Variants in MLH3 observed in about 807,000 individuals in gnomAD.
The protein encoded by MLH3 is mutL homolog 3, also known as DNA mismatch repair protein Mlh3.
Under a neutral mutation model 122.2 loss-of-function variants are expected in MLH3, and 82 were observed. That is an observed-to-expected ratio of 0.67 (90% CI 0.56 to 0.81). The LOEUF is 0.81. Among genes scored for constraint, MLH3 ranks in the 30% least tolerant of loss-of-function variants. The pLI, the probability that MLH3 is intolerant of heterozygous loss-of-function variation, is 0.00. For missense variants in MLH3, 1,539 were observed against 1,714.5 expected, an observed-to-expected ratio of 0.90 and a Z score of 1.81; for synonymous variants, 524 against 599.5, an observed-to-expected ratio of 0.87 and a Z score of 1.84.
At chr14:75,023,950 T>G (rs1890455488) in intron 9 of MLH3, among the ~76,000 whole-genome samples, 1 of 152,168 alleles carries the variant, frequency 6.6e-6, no homozygotes, top group African/African-American at 2.4e-5. Flanking sequence ...TACATATAAT[T>G]TAAAAATCAC....
chr14:75,033,391 T>C (rs753780299), intron 7 of MLH3, 28 bp downstream of exon 7: 33 of 1,609,440 alleles, frequency 2.1e-5, no homozygotes, highest in Non-Finnish European at 2.8e-5. Flanking sequence ...GAGTCTCAAA[T>C]TTTTTCTGGC....
At chr14:75,049,850 T>C (rs1892549883) in intron 1 of MLH3, 132 bp from the exon 2 acceptor site, 1 of 648,308 alleles carries the variant, frequency 1.5e-6, no homozygotes, top group Non-Finnish European at 2.7e-6. Context: ...AAAACAAAGT[T>C]ATACCGCTGA....
chr14:75,022,515 C>T (rs962046299), intron 11 of MLH3, among the ~76,000 whole-genome samples: 16 of 152,148 alleles, frequency 1.1e-4, no homozygotes, highest in Non-Finnish European at 7.4e-5. Context: ...AGTGAATTCC[C>T]CTTTCCATGC....
In MLH3 at chr14:75,038,000, A is replaced by G. The variant is rs1010689499; in HGVS notation, c.3643+340T>C. Among the ~76,000 whole-genome samples, 25 of 152,134 alleles carry G rather than the reference A, an allele frequency of 1.6e-4. 1 individual carries two copies. The highest frequency in any genetic ancestry group is 5.8e-4 in the African/African-American group (24 of 41,432). Reference sequence around the variant, plus strand: ...CTACATCCTCTGCCTCCCAAGTTCAAGCGATTCTTGTGCCTTAGCCTCCTG... The same window carrying G: ...CTACATCCTCTGCCTCCCAAGTTCAGGCGATTCTTGTGCCTTAGCCTCCTG... On this transcript the variant is annotated intron_variant, in intron 6 of 12. Coordinates refer to ENST00000355774, the MANE Select transcript of MLH3 (RefSeq NM_001040108.2).
At position 75,022,729 on chromosome 14, in the gene MLH3, C is replaced by A; in HGVS notation, c.4090+85G>T. ...CTCCAAGAGTCAAGTAGTAAATGTA[C>A]CCTCTGCCTCTTTTGTAATCCCGGC... On this transcript the variant is annotated intron_variant, in intron 11 of 12. Transcript: ENST00000355774. 5.4e-6 allele frequency: 6 copies of A among 1,106,846 alleles called. No individual in the cohort carries two copies. The East Asian group carries it at 1.4e-4, about 26-fold the overall frequency. The allele number at this position is 1,106,846 out of a possible 1,614,324, so 68.6% of individuals were successfully genotyped here. A position where few individuals can be genotyped will look rare whatever the true frequency, so the allele number is the denominator to read the frequency against.
rs1463725886 is a variant in MLH3, at chr14:75,033,543, CAT to C, written c.3644-55_3644-54del. The C allele has an allele frequency of 4.3e-6, 6 of 1,394,318 alleles. No individual in the cohort carries two copies. In the African/African-American group the frequency reaches 5.7e-5, roughly 13 times the overall value. 86.4% of individuals were successfully genotyped at this position (1,394,318 alleles called of 1,614,324 possible). ...ATTCTCAGAGCAAGACGACAACCATCATGTGTGTTGAGGACAGAGAAGACTTA... is the reference window on the plus strand; with the variant it reads ...ATTCTCAGAGCAAGACGACAACCATCGTGTGTTGAGGACAGAGAAGACTTA... On this transcript the variant is annotated intron_variant, in intron 6 of 12. Coordinates refer to ENST00000355774, the MANE Select transcript of MLH3 (RefSeq NM_001040108.2).
chr14:75,027,664 TAAA>T (rs56986784), intron 9 of MLH3, among the ~76,000 whole-genome samples: 24 of 30,906 alleles, frequency 7.8e-4, no homozygotes, highest in Non-Finnish European at 1.1e-3. Flanking sequence ...TTTACTTCAG[TAAA>T]AAAAAAAAAA....
rs181990057 is a variant in MLH3, at chr14:75,046,818, G to T, written c.2838C>A (p.Ser946=). Residue 946 remains serine, a synonymous_variant, in exon 2 of 13, where the codon TCC becomes TCA. Coordinates refer to ENST00000355774, the MANE Select transcript of MLH3 (RefSeq NM_001040108.2). ...AATGTGTTTTACTATTTTTATTAAA[G>T]GAATTATCCTGTGTGGCAGAATCTG... ...PTSDSATQDN[S]FNKNSKTHSN... The T allele has an allele frequency of 4.2e-4, 681 of 1,614,134 alleles. 3 individuals are homozygous for T. The highest frequency in any genetic ancestry group is 1.4e-4 in the Non-Finnish European group (161 of 1,180,006).
chr14:75,025,533 G>T (rs1483754016), intron 9 of MLH3, among the ~76,000 whole-genome samples: 1 of 152,082 alleles, frequency 6.6e-6, no homozygotes, highest in Non-Finnish European at 1.5e-5. Context: ...GAGCTTTCCA[G>T]ACCTTTTCCA....
intron 1 of MLH3, chr14:75,050,910 G>C (rs1247565165): frequency 6.6e-6 from 1 of 152,220 alleles, no homozygotes; most frequent in Admixed American, 6.5e-5. Flanking sequence ...AGAGCCACGT[G>C]GGTGGGCCCC....
intron 6 of MLH3, among the ~76,000 whole-genome samples, chr14:75,035,847 T>C (rs894242755): frequency 2.0e-5 from 3 of 151,468 alleles, no homozygotes; most frequent in Non-Finnish European, 2.9e-5. Context: ...GTTTCTCCCA[T>C]TAAAAAAAAA....
chr14:75,050,689 C>T (rs780489782), intron 1 of MLH3, among the ~76,000 whole-genome samples: 11 of 152,166 alleles, frequency 7.2e-5, no homozygotes, highest in Non-Finnish European at 1.3e-4. Flanking sequence ...TGTGAACCAC[C>T]GCGCCCGGCC....
At chr14:75,031,274 T>G (rs1891028704) in intron 8 of MLH3, among the ~76,000 whole-genome samples, 1 of 152,230 alleles carries the variant, frequency 6.6e-6, no homozygotes, top group South Asian at 2.1e-4. Context: ...TGACTCACTA[T>G]ATGATTCGCC....
In MLH3 at chr14:75,049,701, CT is replaced by C. The variant is rs1425562950; in HGVS notation, c.-47del. 6.3e-7 allele frequency: 1 copy of C among 1,583,672 alleles called. No homozygotes were observed. The highest frequency in any genetic ancestry group is 8.6e-7 in the Non-Finnish European group (1 of 1,160,804). On this transcript the variant is annotated 5_prime_UTR_variant, in exon 2 of 13. Transcript: ENST00000355774. Reference sequence around the variant, plus strand: ...GAATGCCAGGCACTGGTTTCCTTCTCTGACTGGAAATAATTGCCTATTGGAG... The same window carrying C: ...GAATGCCAGGCACTGGTTTCCTTCTCGACTGGAAATAATTGCCTATTGGAG...
Position 75,047,515 on chromosome 14 carries a change from G to C in MLH3, c.2141C>G (p.Ser714Cys), listed in dbSNP as rs761786098. The C allele has an allele frequency of 6.2e-7, 1 of 1,613,988 alleles. No homozygotes were observed. ...SQTDCILSDTSPSFPWYRHVS... is the reference protein window; with the variant it reads ...SQTDCILSDTCPSFPWYRHVS... ...GTGTCTATACCAGGGGAAAGAGGGG[G>C]ATGTATCAGATAATATGCAATCTGT... The change falls in exon 2 of 13, where the codon TCC (serine) becomes TGC (cysteine). Residue 714 changes from serine (S) to cysteine (C), a missense_variant. Coordinates refer to ENST00000355774, the MANE Select transcript of MLH3 (RefSeq NM_001040108.2).
chr14:75,021,282 A>G lies in MLH3; in HGVS notation c.4090+1532T>C, dbSNP rs143238444. On this transcript the variant is annotated intron_variant, in intron 11 of 12. Transcript: ENST00000355774. Reference sequence around the variant, plus strand: ...GGTAAAGACTCTAAAAGCAACTGCAATAAAACGAAAATTGACAAGTGAGAC... The same window carrying G: ...GGTAAAGACTCTAAAAGCAACTGCAGTAAAACGAAAATTGACAAGTGAGAC... Among the ~76,000 whole-genome samples, 16 of 152,378 alleles carry G rather than the reference A, an allele frequency of 1.1e-4. No homozygotes were observed. In the South Asian group the frequency reaches 1.2e-3, roughly 12 times the overall value.
chr14:75,033,506 T>C lies in MLH3; in HGVS notation c.3644-16A>G, dbSNP rs758243954. On this transcript the variant is annotated splice_polypyrimidine_tract_variant and intron_variant, in intron 6 of 12. Transcript: ENST00000355774. ...AGGTTCCCACCTAGATGAGCAAGGA[T>C]TGTGAACTTTGATTCTCAGAGCAAG... The C allele has an allele frequency of 3.1e-6, 5 of 1,607,560 alleles. No homozygotes were observed. The highest frequency in any genetic ancestry group is 4.3e-6 in the Non-Finnish European group (5 of 1,174,206).
chr14:75,047,829 T>C lies in MLH3; in HGVS notation c.1827A>G (p.Ile609Met), dbSNP rs374951352. 57 of 1,613,538 alleles carry C rather than the reference T, an allele frequency of 3.5e-5. No individual in the cohort carries two copies. Among genetic ancestry groups the C allele is most frequent in the Non-Finnish European group, 4.2e-5 (49 of 1,179,888 alleles). Residue 609 changes from isoleucine to methionine, a missense_variant, in exon 2 of 13, where the codon ATA (isoleucine) becomes ATG (methionine). By Grantham distance (10) the Ile-to-Met change is conservative. Transcript: ENST00000355774. ...GRVKLCSTGF[I>M]THVVQNEKTK... ...TTTTTTCATTTTGTACTACATGAGT[T>C]ATAAAGCCAGTGGAACATAATTTAA... is the stretch of plus-strand genomic sequence containing the variant.
intron 9 of MLH3, among the ~76,000 whole-genome samples, chr14:75,026,015 C>T (rs1433685400): frequency 1.3e-5 from 2 of 152,186 alleles, no homozygotes; most frequent in Non-Finnish European, 2.9e-5. Flanking sequence ...CTCTCTACTC[C>T]CTCTGCTACT....
Sources: allele counts gnomAD v4.1 joint callset (sites outside exome capture counted in the v4.1 genomes callset), GRCh38; gene constraint gnomAD v4.1.1; transcripts MANE v1.5; gene names NCBI Gene and HGNC (gene_info 2026-07-23, HGNC 2026-07-21).